Variants in CACNB2 observed in about 807,000 individuals in gnomAD.
The protein encoded by CACNB2 is calcium voltage-gated channel auxiliary subunit beta 2.
In CACNB2, 42 loss-of-function variants were observed where a neutral mutation model predicts 73.3. The observed-to-expected ratio is 0.57, with a 90% CI of 0.45 to 0.74. The LOEUF (loss-of-function observed/expected upper bound fraction) is 0.74. Ranked by LOEUF, CACNB2 falls within the 30% of genes least tolerant of loss-of-function variation. The pLI is 0.00. For missense variants in CACNB2, 940 were observed against 853.0 expected, an observed-to-expected ratio of 1.10 and a Z score of -1.27; for synonymous variants, 348 against 310.3, an observed-to-expected ratio of 1.12 and a Z score of -1.28.
At chr10:18,291,124 C>A (rs949717997) in intron 2 of CACNB2, among the ~76,000 whole-genome samples, 1 of 152,188 alleles carries the variant, frequency 6.6e-6, no homozygotes, top group Non-Finnish European at 1.5e-5. Flanking sequence ...CGTGAGGCTG[C>A]GCAGAAGGTA....
intron 3 of CACNB2, among the ~76,000 whole-genome samples, chr10:18,416,121 C>T (rs2044944653): frequency 7.9e-5 from 12 of 152,098 alleles, no homozygotes; most frequent in Admixed American, 7.9e-4. Flanking sequence ...TGTTTGTACC[C>T]TTTAACCCAC....
At position 18,145,452 on chromosome 10, in the gene CACNB2, A is replaced by G. The variant is rs574878936; in HGVS notation, c.120+4596A>G. On this transcript the variant is annotated intron_variant, in intron 1 of 13. Transcript: ENST00000324631. Reference sequence around the variant, plus strand: ...AATGTGACATGGGAGAAATTTACAGACATGCCAATCAGAATTTCTGAGTAT... The same window carrying G: ...AATGTGACATGGGAGAAATTTACAGGCATGCCAATCAGAATTTCTGAGTAT... 1.6e-4 allele frequency among the ~76,000 whole-genome samples: 25 copies of G among 152,180 alleles called. No individual in the cohort carries two copies. The East Asian group carries it at 3.9e-3, about 24-fold the overall frequency.
At chr10:18,244,465 T>A (rs139883566) in intron 2 of CACNB2, among the ~76,000 whole-genome samples, 1 of 152,206 alleles carries the variant, frequency 6.6e-6, no homozygotes, top group Non-Finnish European at 1.5e-5. Flanking sequence ...CATAAAAAAA[T>A]TGATGCACAT....
intron 2 of CACNB2, among the ~76,000 whole-genome samples, chr10:18,385,848 A>G (rs1307601320): frequency 6.6e-6 from 1 of 152,132 alleles, no homozygotes; most frequent in Non-Finnish European, 1.5e-5. Flanking sequence ...ATGCCATCAT[A>G]TGGATGCAAC....
At chr10:18,480,048 G>C (rs540648322) in intron 3 of CACNB2, among the ~76,000 whole-genome samples, 1 of 152,232 alleles carries the variant, frequency 6.6e-6, no homozygotes, top group Admixed American at 6.5e-5. Context: ...TCAAAGGAAA[G>C]CGAGTTATGA....
intron 2 of CACNB2, among the ~76,000 whole-genome samples, chr10:18,333,894 G>A (rs868791970): frequency 5.9e-5 from 9 of 151,976 alleles, no homozygotes; most frequent in Non-Finnish European, 8.8e-5. Flanking sequence ...TCCTGGCAAC[G>A]TAACATATTT....
At chr10:18,364,693 T>C (rs1264989958) in intron 2 of CACNB2, among the ~76,000 whole-genome samples, 1 of 152,206 alleles carries the variant, frequency 6.6e-6, no homozygotes, top group African/African-American at 2.4e-5. Context: ...CTACATCTGT[T>C]ACCTCTGACG....
chr10:18,391,064 G>C (rs1161484975), intron 2 of CACNB2, among the ~76,000 whole-genome samples: 3 of 152,158 alleles, frequency 2.0e-5, no homozygotes, highest in African/African-American at 7.2e-5. Context: ...ACTGGAAAAA[G>C]GATGCTAAAC....
chr10:18,267,248 T>G (rs2037852081), intron 2 of CACNB2, among the ~76,000 whole-genome samples: 1 of 152,174 alleles, frequency 6.6e-6, no homozygotes, highest in South Asian at 2.1e-4. Flanking sequence ...AAATCCTTAA[T>G]TTTTTTCAGA....
intron 2 of CACNB2, among the ~76,000 whole-genome samples, chr10:18,299,816 G>A (rs2039436011): frequency 6.6e-6 from 1 of 152,318 alleles, no homozygotes; most frequent in Non-Finnish European, 1.5e-5. Flanking sequence ...CAAAGAATAT[G>A]TATATTGATG....
intron 9 of CACNB2, 82 bp from the exon 10 acceptor site, chr10:18,527,506 A>C: frequency 2.4e-6 from 2 of 827,432 alleles, no homozygotes; most frequent in Admixed American, 1.7e-5. Context: ...TTTCATACTT[A>C]GATGAATTTG....
intron 2 of CACNB2, among the ~76,000 whole-genome samples, chr10:18,238,871 A>G (rs1049379208): frequency 6.6e-6 from 1 of 152,230 alleles, no homozygotes; most frequent in Non-Finnish European, 1.5e-5. Flanking sequence ...TTTTGGCTTC[A>G]GTTTCCAGAA....
intron 2 of CACNB2, among the ~76,000 whole-genome samples, chr10:18,228,838 C>T (rs1214367774): frequency 1.3e-5 from 2 of 152,118 alleles, no homozygotes; most frequent in African/African-American, 4.8e-5. Context: ...CTCCTGGGTT[C>T]AAGGATTCTC....
intron 2 of CACNB2, among the ~76,000 whole-genome samples, chr10:18,335,594 T>C (rs1322756810): frequency 6.6e-6 from 1 of 152,010 alleles, no homozygotes; most frequent in African/African-American, 2.4e-5. Context: ...CAAAAAAATA[T>C]ATACATATTA....
chr10:18,329,907 G>A (rs764518108), intron 2 of CACNB2, among the ~76,000 whole-genome samples: 1 of 151,946 alleles, frequency 6.6e-6, no homozygotes, highest in Non-Finnish European at 1.5e-5. Context: ...GTGCGATCTC[G>A]GCTAACTGCA....
At chr10:18,499,391 G>A (rs2050041397) in intron 4 of CACNB2, among the ~76,000 whole-genome samples, 1 of 152,078 alleles carries the variant, frequency 6.6e-6, no homozygotes. Flanking sequence ...GCCAAGGTGG[G>A]CGGATCACAA....
chr10:18,458,316 T>C (rs1190817939), intron 3 of CACNB2, among the ~76,000 whole-genome samples: 1 of 152,220 alleles, frequency 6.6e-6, no homozygotes. Context: ...GTCTAGGAAA[T>C]GTGAAAATTT....
intron 2 of CACNB2, among the ~76,000 whole-genome samples, chr10:18,255,003 G>A (rs985360697): frequency 1.3e-5 from 2 of 152,092 alleles, no homozygotes; most frequent in South Asian, 2.1e-4. Flanking sequence ...CTTAGCATGA[G>A]AGCATCATCT....
chr10:18,523,923 T>G (rs951259198), intron 9 of CACNB2, among the ~76,000 whole-genome samples: 1 of 152,246 alleles, frequency 6.6e-6, no homozygotes, highest in Non-Finnish European at 1.5e-5. Flanking sequence ...AGAATTCCTT[T>G]TTCTTTTCTG....
Sources: allele counts gnomAD v4.1 joint callset (sites outside exome capture counted in the v4.1 genomes callset), GRCh38; gene constraint gnomAD v4.1.1; transcripts MANE v1.5; gene names NCBI Gene and HGNC (gene_info 2026-07-23, HGNC 2026-07-21).